Variants in TMEM135 observed in about 807,000 individuals in gnomAD.
TMEM135 encodes the protein peroxisomal membrane protein 52.
TMEM135 carries 30 observed loss-of-function variants against 60.3 expected under a neutral mutation model. The observed-to-expected ratio is 0.50, with a 90% CI of 0.37 to 0.68. The LOEUF is 0.68. Among genes scored for constraint, TMEM135 ranks in the 30% least tolerant of loss-of-function variants. The pLI is 0.00. For synonymous variants in TMEM135, 190 were observed against 186.7 expected, an observed-to-expected ratio of 1.02 and a Z score of -0.14; for missense variants, 468 against 548.8, an observed-to-expected ratio of 0.85 and a Z score of 1.47.
intron 8 of TMEM135, among the ~76,000 whole-genome samples, chr11:87,304,032 G>C (rs1942492343): frequency 1.3e-5 from 2 of 152,122 alleles, no homozygotes; most frequent in South Asian, 4.1e-4. Context: ...GACTAAGAAA[G>C]ACTAATTGAC....
intron 2 of TMEM135, 45 bp downstream of exon 2, chr11:87,067,866 T>C (rs1342238146): frequency 2.5e-6 from 4 of 1,608,334 alleles, no homozygotes; most frequent in Non-Finnish European, 2.6e-6. Flanking sequence ...GGTTCTTCTA[T>C]TGAAATGGAA....
At chr11:87,150,694 A>T (rs1938536598) in intron 4 of TMEM135, among the ~76,000 whole-genome samples, 1 of 152,130 alleles carries the variant, frequency 6.6e-6, no homozygotes, top group East Asian at 1.9e-4. Flanking sequence ...TTGTGACATA[A>T]GATTCCTTTC....
At chr11:87,168,880 A>T (rs1308829976) in intron 5 of TMEM135, among the ~76,000 whole-genome samples, 1 of 151,670 alleles carries the variant, frequency 6.6e-6, no homozygotes, top group Non-Finnish European at 1.5e-5. Flanking sequence ...TGTCTCGTTG[A>T]TCTAATATGG....
chr11:87,181,590 G>A (rs980662724), intron 5 of TMEM135, among the ~76,000 whole-genome samples: 2 of 152,172 alleles, frequency 1.3e-5, no homozygotes, highest in African/African-American at 2.4e-5. Context: ...GAAGCACAGG[G>A]AAGGGTTGAT....
chr11:87,301,064 C>T (rs868671501), intron 7 of TMEM135, among the ~76,000 whole-genome samples: 2 of 152,326 alleles, frequency 1.3e-5, no homozygotes, highest in Middle Eastern at 6.8e-3. Context: ...TTCATTTGAA[C>T]TGACAGCTAC....
At chr11:87,055,978 C>A (rs1043638870) in intron 1 of TMEM135, among the ~76,000 whole-genome samples, 1 of 152,136 alleles carries the variant, frequency 6.6e-6, no homozygotes, top group Non-Finnish European at 1.5e-5. Flanking sequence ...AGGACAGTTA[C>A]TCCATAGACA....
chr11:87,236,812 C>T lies in TMEM135; in HGVS notation c.509+128C>T, dbSNP rs528939244. The T allele has an allele frequency of 1.5e-4, 124 of 844,576 alleles. 3 individuals carry two copies. The highest frequency in any genetic ancestry group is 7.5e-4 in the South Asian group (53 of 70,394). 52.3% of individuals were successfully genotyped at this position (844,576 alleles called of 1,614,324 possible). A position where few individuals can be genotyped will look rare whatever the true frequency, so the allele number is the denominator to read the frequency against. The stretch of plus-strand genomic sequence containing the variant: ...AAGCAGCATACTCCCCCCGCACCCC[C>T]GCCCAGAGTGGACAGAGGTAAATCA... On this transcript the variant is annotated intron_variant, in intron 6 of 14. Transcript: ENST00000305494.
At chr11:87,212,053 CAT>C (rs889311420) in intron 5 of TMEM135, among the ~76,000 whole-genome samples, 3 of 152,250 alleles carry the variant, frequency 2.0e-5, no homozygotes, top group African/African-American at 7.2e-5. Context: ...AATAACTACT[CAT>C]ATGATTATTT....
intron 5 of TMEM135, among the ~76,000 whole-genome samples, chr11:87,160,040 TA>T (rs1938826993): frequency 1.3e-5 from 2 of 152,098 alleles, no homozygotes; most frequent in African/African-American, 4.8e-5. Flanking sequence ...ACTGCGAAAA[TA>T]TTTGTTAAGC....
chr11:87,108,295 T>G (rs900197125), intron 4 of TMEM135, among the ~76,000 whole-genome samples: 3 of 152,182 alleles, frequency 2.0e-5, no homozygotes, highest in Non-Finnish European at 4.4e-5. Flanking sequence ...TTTTGGCTTT[T>G]GTTGCCATTG....
At chr11:87,294,942 G>C (rs942487397) in intron 6 of TMEM135, among the ~76,000 whole-genome samples, 1 of 152,100 alleles carries the variant, frequency 6.6e-6, no homozygotes, top group African/African-American at 2.4e-5. Context: ...CCCAGCTGAA[G>C]AGAGTAGACT....
intron 5 of TMEM135, among the ~76,000 whole-genome samples, chr11:87,204,584 C>G (rs1440835694): frequency 6.6e-6 from 1 of 152,044 alleles, no homozygotes; most frequent in Non-Finnish European, 1.5e-5. Flanking sequence ...GTATTATATA[C>G]TGTATTCTTA....
chr11:87,170,379 A>G (rs1287713833), intron 5 of TMEM135, among the ~76,000 whole-genome samples: 2 of 151,704 alleles, frequency 1.3e-5, no homozygotes, highest in African/African-American at 4.8e-5. Flanking sequence ...GGTTTTTGGA[A>G]TTTTCAGCCT....
chr11:87,245,629 T>G (rs867699887), intron 6 of TMEM135, among the ~76,000 whole-genome samples: 6 of 131,748 alleles, frequency 4.6e-5, no homozygotes, highest in African/African-American at 1.7e-4. Flanking sequence ...CTCTTTTGAT[T>G]TTTGTTGGTT....
chr11:87,041,706 G>A (rs932945010), intron 1 of TMEM135, among the ~76,000 whole-genome samples: 8 of 152,194 alleles, frequency 5.3e-5, no homozygotes, highest in African/African-American at 1.7e-4. Flanking sequence ...TTAGACTAGT[G>A]TAGTACCTCA....
chr11:87,169,467 T>C (rs1043215888), intron 5 of TMEM135, among the ~76,000 whole-genome samples: 3 of 151,934 alleles, frequency 2.0e-5, no homozygotes, highest in African/African-American at 7.3e-5. Context: ...ATTTAGTGCT[T>C]CCTTCAGGAG....
intron 6 of TMEM135, among the ~76,000 whole-genome samples, chr11:87,266,306 C>G (rs1368989814): frequency 6.6e-6 from 1 of 152,116 alleles, no homozygotes; most frequent in African/African-American, 2.4e-5. Flanking sequence ...AGAAAAGGCT[C>G]TTTGGACCTC....
At chr11:87,165,715 G>T (rs1433249430) in intron 5 of TMEM135, among the ~76,000 whole-genome samples, 1 of 151,420 alleles carries the variant, frequency 6.6e-6, no homozygotes, top group Non-Finnish European at 1.5e-5. Flanking sequence ...TCAAAAGCTA[G>T]CAGAAGGCAA....
intron 4 of TMEM135, among the ~76,000 whole-genome samples, chr11:87,135,357 T>C (rs930938294): frequency 6.6e-6 from 1 of 152,114 alleles, no homozygotes; most frequent in Non-Finnish European, 1.5e-5. Context: ...TAGTTCTAGA[T>C]TTTACGTTTA....
Sources: gnomAD v4.1 joint callset for allele counts (sites outside exome capture counted in the v4.1 genomes callset) on GRCh38, gnomAD v4.1.1 for gene constraint, MANE v1.5 for transcripts, NCBI Gene and HGNC (gene_info 2026-07-23, HGNC 2026-07-21) for gene names.